Variants in CTAGE9 observed in about 807,000 individuals in gnomAD.
The protein encoded by CTAGE9 is cutaneous T-cell lymphoma-associated antigen 9.
For synonymous variants in CTAGE9, 107 were observed against 315.9 expected, an observed-to-expected ratio of 0.34 and a Z score of 7.01; for missense variants, 248 against 884.0, an observed-to-expected ratio of 0.28 and a Z score of 9.12.
rs1779743880 is a variant in CTAGE9, at chr6:131,710,004, A to G, written c.1014T>C (p.Ile338=). The change falls in exon 1 of 1, where the codon ATT becomes ATC. Residue 338 remains isoleucine, a synonymous_variant. Coordinates refer to ENST00000314099, the MANE Select transcript of CTAGE9 (RefSeq NM_001145659.1). Reference sequence around the variant, plus strand: ...TGTCCACTTCAGATAACTGAATAATAATGTGGTTTCTTTCTCCTTCTAAGC... The same window carrying G: ...TGTCCACTTCAGATAACTGAATAATGATGTGGTTTCTTTCTCCTTCTAAGC... The part of the protein sequence containing the change: ...LKSLEGERNH[I]IIQLSEVDKT... 1.2e-6 allele frequency: 2 copies of G among 1,604,762 alleles called. No individual in the cohort carries two copies. Among genetic ancestry groups the G allele is most frequent in the African/African-American group, 1.3e-5 (1 of 74,482 alleles).
At position 131,709,850 on chromosome 6, in the gene CTAGE9, A is replaced by T. The variant is rs200226156; in HGVS notation, c.1168T>A (p.Phe390Ile). Reference sequence around the variant, plus strand: ...AGTTTCATTTCATTTTCTTGATAGAATTCAGTCATTATTTTAAGTTTCTGT... The same window carrying T: ...AGTTTCATTTCATTTTCTTGATAGATTTCAGTCATTATTTTAAGTTTCTGT... ...LQQKLKIMTEFYQENEMKLYR... is the reference protein window; with the variant it reads ...LQQKLKIMTEIYQENEMKLYR... The change falls in exon 1 of 1, where the codon TTC (phenylalanine) becomes ATC (isoleucine). Residue 390 changes from phenylalanine (F) to isoleucine (I), a missense_variant. Transcript: ENST00000314099. 921 of 1,599,076 alleles carry T rather than the reference A, an allele frequency of 5.8e-4. 7 individuals are homozygous for T. The South Asian group carries it at 9.8e-3, about 17-fold the overall frequency.
chr6:131,709,466 G>C lies in CTAGE9; in HGVS notation c.1552C>G (p.His518Asp), dbSNP rs1313261876. 2 of 1,605,460 alleles carry C rather than the reference G, an allele frequency of 1.2e-6. No homozygotes were observed. Among genetic ancestry groups the C allele is most frequent in the South Asian group, 2.2e-5 (2 of 90,044 alleles). Residue 518 changes from histidine to aspartate, a missense_variant, in exon 1 of 1, where the codon CAT becomes GAT. His to Asp is a moderately conservative substitution (Grantham distance 81). Transcript: ENST00000314099. ...DVSNTAFGRE[H>D]SPCSPSPLGR... ...AATGGTGAGGGACTACATGGGGAAT[G>C]CTCTCTGCCAAATGCTGTATTTGAA... is the stretch of plus-strand genomic sequence containing the variant.
Position 131,710,775 on chromosome 6 carries a change from C to T in CTAGE9, c.243G>A (p.Thr81=), listed in dbSNP as rs1585702310. ...YVGREQKLGA[T]LSGLIEEKCK... ...ATTTTTCTTCAATTAGTCCAGAAAGCGTTGCACCAAGTTTTTGCTCTCTTC... is the reference window on the plus strand; with the variant it reads ...ATTTTTCTTCAATTAGTCCAGAAAGTGTTGCACCAAGTTTTTGCTCTCTTC... The change falls in exon 1 of 1, where the codon ACG becomes ACA. Residue 81 remains threonine, a synonymous_variant. Transcript: ENST00000314099. The T allele has an allele frequency of 2.5e-6, 4 of 1,613,124 alleles. No homozygotes were observed. The highest frequency in any genetic ancestry group is 2.2e-5 in the East Asian group (1 of 44,868).
chr6:131,710,850 G>A lies in CTAGE9; in HGVS notation c.168C>T (p.Leu56=). 1 of 1,612,546 alleles carries A rather than the reference G, an allele frequency of 6.2e-7. No homozygotes were observed. Among genetic ancestry groups the A allele is most frequent in the Non-Finnish European group, 8.5e-7 (1 of 1,179,796 alleles). ...CAAVIGFFVV[L]LFLWRSFRSV... ...ATCTAAAACTTCTCCACAAAAAAAG[G>A]AGAACAACAAAAAATCCAATAACAG... Residue 56 remains leucine (L), a synonymous_variant, in exon 1 of 1, where the codon CTC becomes CTT. Transcript: ENST00000314099.
In CTAGE9 at chr6:131,709,650, A is replaced by G; in HGVS notation, c.1368T>C (p.Ile456=). 1 of 1,612,362 alleles carries G rather than the reference A, an allele frequency of 6.2e-7. No homozygotes were observed. Among genetic ancestry groups the G allele is most frequent in the Non-Finnish European group, 8.5e-7 (1 of 1,179,208 alleles). The change falls in exon 1 of 1, where the codon ATT becomes ATC. Residue 456 remains isoleucine (I), a synonymous_variant. Coordinates refer to ENST00000314099, the MANE Select transcript of CTAGE9 (RefSeq NM_001145659.1). ...TATCATGTCCTCTTTTCTCGTAGGA[A>G]ATAACCTGCTTTTGATAAAAATGAA... ...RTVHFYQKQV[I]SYEKRGHDNW...
rs1397667498 is a variant in CTAGE9, at chr6:131,709,993, A to G, written c.1025T>C (p.Leu342Ser). The part of the protein sequence containing the change: ...EGERNHIIIQ[L>S]SEVDKTKEEL... Reference sequence around the variant, plus strand: ...TTCCTTTGTTTTGTCCACTTCAGATAACTGAATAATAATGTGGTTTCTTTC... The same window carrying G: ...TTCCTTTGTTTTGTCCACTTCAGATGACTGAATAATAATGTGGTTTCTTTC... Residue 342 changes from leucine to serine, a missense_variant, in exon 1 of 1, where the codon TTA (leucine) becomes TCA (serine). Leu to Ser is a moderately radical substitution (Grantham distance 145, BLOSUM62 -2). Coordinates refer to ENST00000314099, the MANE Select transcript of CTAGE9 (RefSeq NM_001145659.1). The G allele has an allele frequency of 6.2e-7, 1 of 1,603,010 alleles. No homozygotes were observed. Among genetic ancestry groups the G allele is most frequent in the African/African-American group, 1.3e-5 (1 of 74,374 alleles).
Position 131,710,074 on chromosome 6 carries a change from A to T in CTAGE9, c.944T>A (p.Leu315Ter), listed in dbSNP as rs767453425. 3.7e-6 allele frequency: 6 copies of T among 1,613,618 alleles called. No homozygotes were observed. Among genetic ancestry groups the T allele is most frequent in the Non-Finnish European group, 5.1e-6 (6 of 1,179,910 alleles). The part of the protein sequence containing the change: ...ANLDDPPKGA[L>*]KKLIHAAKLN... ...CTTAGCAGCATGAATCAGTTTCTTCAAAGCTCCTTTCGGAGGATCATCTAA... is the reference window on the plus strand; with the variant it reads ...CTTAGCAGCATGAATCAGTTTCTTCTAAGCTCCTTTCGGAGGATCATCTAA... Residue 315 changes from leucine to a stop codon, truncating the protein, a stop_gained, in exon 1 of 1, where the codon TTG (leucine) becomes TAG (stop). Coordinates refer to ENST00000314099, the MANE Select transcript of CTAGE9 (RefSeq NM_001145659.1). LOFTEE classifies it low-confidence loss of function (END_TRUNC).
rs200116065 is a variant in CTAGE9, at chr6:131,708,988, A to G, written c.2030T>C (p.Val677Ala). 20 of 1,589,598 alleles carry G rather than the reference A, an allele frequency of 1.3e-5. No homozygotes were observed. The highest frequency in any genetic ancestry group is 1.7e-5 in the Non-Finnish European group (20 of 1,175,184). ...TTCAGCAGGGAGAGATGAATCAGGC[A>G]CATTTAAATTACCAAGATCATCTTT... ...DAKDDLGNLN[V>A]PDSSLPAENE... Residue 677 changes from valine (V) to alanine (A), a missense_variant, in exon 1 of 1, where the codon GTG becomes GCG. By Grantham distance (64) the Val-to-Ala change is moderately conservative. Coordinates refer to ENST00000314099, the MANE Select transcript of CTAGE9 (RefSeq NM_001145659.1).
Position 131,709,772 on chromosome 6 carries a change from G to T in CTAGE9, c.1246C>A (p.Leu416Ile). ...CTGATCTTTTCTTCCACTCTAGAAA[G>T]CTTCTCTTCTTCCTCTATTCGGTAA... The part of the protein sequence containing the change: ...ENYRIEEEEK[L>I]SRVEEKISHA... Residue 416 changes from leucine to isoleucine, a missense_variant, in exon 1 of 1, where the codon CTT becomes ATT. By Grantham distance (5) the Leu-to-Ile change is conservative. Transcript: ENST00000314099. The T allele has an allele frequency of 6.2e-7, 1 of 1,613,868 alleles. No individual in the cohort carries two copies. The highest frequency in any genetic ancestry group is 8.5e-7 in the Non-Finnish European group (1 of 1,179,904).
At position 131,710,091 on chromosome 6, in the gene CTAGE9, A is replaced by T. The variant is rs1225272467; in HGVS notation, c.927T>A (p.Asp309Glu). 8.7e-6 allele frequency: 14 copies of T among 1,613,744 alleles called. No individual in the cohort carries two copies. The African/African-American group carries it at 1.7e-4, about 20-fold the overall frequency. The change falls in exon 1 of 1, where the codon GAT (aspartate) becomes GAA (glutamate). Residue 309 changes from aspartate to glutamate, a missense_variant. Physicochemically the swap from Asp to Glu is conservative, Grantham distance 45 (BLOSUM62 2). Coordinates refer to ENST00000314099, the MANE Select transcript of CTAGE9 (RefSeq NM_001145659.1). ...GTTTCTTCAAAGCTCCTTTCGGAGG[A>T]TCATCTAAGTTAGCACCATTTTCCC... ...SQWENGANLD[D>E]PPKGALKKLI...
In CTAGE9 at chr6:131,709,720, T is replaced by C. The variant is rs1779734970; in HGVS notation, c.1298A>G (p.Tyr433Cys). 6.2e-7 allele frequency: 1 copy of C among 1,613,858 alleles called. No homozygotes were observed. The highest frequency in any genetic ancestry group is 1.3e-5 in the African/African-American group (1 of 74,898). ...ISHATEELET[Y>C]RKLAKDLEEE... is the part of the protein sequence containing the mutation. ...TTCAAGATCTTTGGCTAGCTTTCTA[T>C]AGGTCTCCAGCTCTTCAGTGGCATG... The change falls in exon 1 of 1, where the codon TAT becomes TGT. Residue 433 changes from tyrosine to cysteine, a missense_variant. By Grantham distance (194) the Tyr-to-Cys change is radical (BLOSUM62 -2). Transcript: ENST00000314099.
Position 131,710,222 on chromosome 6 carries a change from T to TG in CTAGE9, c.795dup (p.Ile266HisfsTer19). On this transcript the variant is annotated frameshift_variant, in exon 1 of 1. Transcript: ENST00000314099. LOFTEE classifies it low-confidence loss of function (END_TRUNC). ...GGCAAGTGTCCAGTCAGGGTCTTGA[T>TG]GTGATTTTCTTTATCATTCAGAACT... is the stretch of plus-strand genomic sequence containing the variant. 1 of 1,603,952 alleles carries TG rather than the reference T, an allele frequency of 6.2e-7. No homozygotes were observed. Among genetic ancestry groups the TG allele is most frequent in the East Asian group, 2.2e-5 (1 of 44,602 alleles).
At position 131,709,572 on chromosome 6, in the gene CTAGE9, T is replaced by G. The variant is rs1289337164; in HGVS notation, c.1446A>C (p.Glu482Asp). ...TTAATTTTTGTTTGTTGTGAGCATT[T>G]TCTTTCCTTAAATCACTGAGGTTTC... ...AERNLSDLRK[E>D]NAHNKQKLTE... is the part of the protein sequence containing the mutation. Residue 482 changes from glutamate to aspartate, a missense_variant, in exon 1 of 1, where the codon GAA becomes GAC. Physicochemically the swap from Glu to Asp is conservative, Grantham distance 45. Coordinates refer to ENST00000314099, the MANE Select transcript of CTAGE9 (RefSeq NM_001145659.1). 6.2e-7 allele frequency: 1 copy of G among 1,613,690 alleles called. No homozygotes were observed. The highest frequency in any genetic ancestry group is 8.5e-7 in the Non-Finnish European group (1 of 1,179,874).
Position 131,710,576 on chromosome 6 carries a change from A to C in CTAGE9, c.442T>G (p.Cys148Gly). ...TCTTCTTTTAAGTCTTTTTCTAGACAGAGGATTTCATCCTCAAGTTCAGAA... is the reference window on the plus strand; with the variant it reads ...TCTTCTTTTAAGTCTTTTTCTAGACCGAGGATTTCATCCTCAAGTTCAGAA... The part of the protein sequence containing the change: ...SNSELEDEIL[C>G]LEKDLKEEKS... The change falls in exon 1 of 1, where the codon TGT becomes GGT. Residue 148 changes from cysteine (C) to glycine (G), a missense_variant. Transcript: ENST00000314099. 2 of 1,613,258 alleles carry C rather than the reference A, an allele frequency of 1.2e-6. No homozygotes were observed. Among genetic ancestry groups the C allele is most frequent in the Non-Finnish European group, 1.7e-6 (2 of 1,179,844 alleles).
At position 131,710,852 on chromosome 6, in the gene CTAGE9, GAAC is replaced by G. The variant is rs974191484; in HGVS notation, c.163_165del (p.Val55del). 5.6e-6 allele frequency: 9 copies of G among 1,612,368 alleles called. No individual in the cohort carries two copies. The Middle Eastern group carries it at 6.8e-4, about 122-fold the overall frequency. ...CTAAAACTTCTCCACAAAAAAAGGA[GAAC>G]AACAAAAAATCCAATAACAGCTGCA... On this transcript the variant is annotated inframe_deletion, in exon 1 of 1. Transcript: ENST00000314099.
In CTAGE9 at chr6:131,709,860, T is replaced by A; in HGVS notation, c.1158A>T (p.Ile386=). 1 of 1,594,734 alleles carries A rather than the reference T, an allele frequency of 6.3e-7. No homozygotes were observed. Among genetic ancestry groups the A allele is most frequent in the South Asian group, 1.1e-5 (1 of 88,436 alleles). ...CATTTTCTTGATAGAATTCAGTCAT[T>A]ATTTTAAGTTTCTGTTGAAGCTTCT... ...ENQKLQQKLK[I]MTEFYQENEM... Residue 386 remains isoleucine, a synonymous_variant, in exon 1 of 1, where the codon ATA becomes ATT. Transcript: ENST00000314099.
At position 131,710,755 on chromosome 6, in the gene CTAGE9, T is replaced by C; in HGVS notation, c.263A>G (p.Glu88Gly). 2.5e-6 allele frequency: 4 copies of C among 1,612,544 alleles called. No individual in the cohort carries two copies. In the South Asian group the frequency reaches 3.3e-5, roughly 13 times the overall value. The change falls in exon 1 of 1, where the codon GAA (glutamate) becomes GGA (glycine). Residue 88 changes from glutamate (E) to glycine (G), a missense_variant. Physicochemically the swap from Glu to Gly is moderately conservative, Grantham distance 98 (BLOSUM62 -2). Coordinates refer to ENST00000314099, the MANE Select transcript of CTAGE9 (RefSeq NM_001145659.1). ...AAACTTTTCAAGTAGTTTACATTTT[T>C]CTTCAATTAGTCCAGAAAGCGTTGC... is the stretch of plus-strand genomic sequence containing the variant. ...LGATLSGLIE[E>G]KCKLLEKFSL...
chr6:131,710,952 A>C lies in CTAGE9; in HGVS notation c.66T>G (p.Val22=), dbSNP rs767147942. ...TCATACTCTCAGGTAGTGCTGCCAC[A>C]ACTCTGCCTAGCTCCTCCAGGACCA... ...LGLVLEELGR[V]VAALPESMRP... is the part of the protein sequence containing the mutation. The change falls in exon 1 of 1, where the codon GTT becomes GTG. Residue 22 remains valine, a synonymous_variant. Coordinates refer to ENST00000314099, the MANE Select transcript of CTAGE9 (RefSeq NM_001145659.1). 119 of 1,554,070 alleles carry C rather than the reference A, an allele frequency of 7.7e-5. 28 individuals carry two copies. In the East Asian group the frequency reaches 3.0e-3, roughly 39 times the overall value.
rs1221914806 is a variant in CTAGE9 at position 131,710,007 on chromosome 6, G to A, written c.1011C>T (p.His337=). Residue 337 remains histidine (H), a synonymous_variant, in exon 1 of 1, where the codon CAC becomes CAT. Transcript: ENST00000314099. Reference sequence around the variant, plus strand: ...CCACTTCAGATAACTGAATAATAATGTGGTTTCTTTCTCCTTCTAAGCTTT... The same window carrying A: ...CCACTTCAGATAACTGAATAATAATATGGTTTCTTTCTCCTTCTAAGCTTT... ...SLKSLEGERN[H]IIIQLSEVDK... is the part of the protein sequence containing the mutation. 1.9e-6 allele frequency: 3 copies of A among 1,605,100 alleles called. No individual in the cohort carries two copies. The highest frequency in any genetic ancestry group is 1.1e-5 in the South Asian group (1 of 90,148).
Sources: allele counts gnomAD v4.1 joint callset, GRCh38; gene constraint gnomAD v4.1.1; transcripts MANE v1.5; gene names NCBI Gene and HGNC (gene_info 2026-07-23, HGNC 2026-07-21).